The following FER variants were observed in gnomAD, a reference collection of about 807,000 sequenced individuals.
FER encodes FER tyrosine kinase, also known as tyrosine-protein kinase Fer.
FER carries 63 observed loss-of-function variants against 111.0 expected under a neutral mutation model. The ratio of observed to expected loss-of-function variants is 0.57; its 90% CI spans 0.46 to 0.70. The LOEUF is 0.70. Ranked by LOEUF, FER falls within the 30% of genes least tolerant of loss-of-function variation. FER has a pLI of 0.00. For synonymous variants in FER, 327 were observed against 313.9 expected (o/e 1.04, Z -0.44); for missense variants, 914 against 954.0 (o/e 0.96, Z 0.55).
intron 13 of FER, among the ~76,000 whole-genome samples, chr5:109,003,226 A>G (rs1469780991): frequency 2.6e-5 from 4 of 152,320 alleles, no homozygotes; most frequent in African/African-American, 9.6e-5. Flanking sequence ...CCAAATGTCC[A>G]ACAATGATAG....
rs918089409 is a variant in FER at position 109,193,039 on chromosome 5, A to G, written c.*5464A>G. On this transcript the variant is annotated 3_prime_UTR_variant, in exon 20 of 20. Transcript: ENST00000281092. ...ACAATAAATGCAATAACAATAAAGG[A>G]AACTAACCCTCACAAAGGGTTTGAG... 1.3e-5 allele frequency: 2 copies of G among 152,142 alleles called. No individual in the cohort carries two copies. Among genetic ancestry groups the G allele is most frequent in the African/African-American group, 2.4e-5 (1 of 41,426 alleles). The allele number at this position is 152,142 out of a possible 1,614,324, so 9.4% of individuals were successfully genotyped here. A position where few individuals can be genotyped will look rare whatever the true frequency, so the allele number is the denominator to read the frequency against.
At chr5:109,055,822 A>T (rs1773564585) in intron 16 of FER, among the ~76,000 whole-genome samples, 1 of 147,254 alleles carries the variant, frequency 6.8e-6, no homozygotes, top group African/African-American at 2.5e-5. Flanking sequence ...CATACAACTG[A>T]TGTACCAAAA....
intron 12 of FER, 92 bp downstream of exon 12, chr5:108,955,024 T>A: frequency 9.3e-7 from 1 of 1,080,228 alleles, no homozygotes; most frequent in Non-Finnish European, 1.3e-6. Context: ...GATAAATGCC[T>A]GCAACACTTG....
chr5:108,840,452 A>T (rs1228832802), intron 5 of FER, among the ~76,000 whole-genome samples: 3 of 152,024 alleles, frequency 2.0e-5, no homozygotes, highest in Non-Finnish European at 4.4e-5. Context: ...CAAAGTAAAC[A>T]TACCACATTT....
intron 3 of FER, among the ~76,000 whole-genome samples, chr5:108,826,500 G>T (rs1438215584): frequency 2.0e-5 from 3 of 151,940 alleles, no homozygotes; most frequent in Non-Finnish European, 4.4e-5. Flanking sequence ...CGGTCCTCTC[G>T]CCTCAACCTC....
chr5:109,006,087 A>G (rs1197269069), intron 13 of FER, among the ~76,000 whole-genome samples: 2 of 152,224 alleles, frequency 1.3e-5, no homozygotes, highest in Non-Finnish European at 2.9e-5. Context: ...GCTTTTTGTA[A>G]CAACCTGATG....
At chr5:108,854,225 G>A in intron 5 of FER, among the ~76,000 whole-genome samples, 1 of 152,070 alleles carries the variant, frequency 6.6e-6, no homozygotes. Flanking sequence ...ATTTAACATT[G>A]AACTCACAAC....
rs74581098 is a variant in FER, at chr5:109,059,310, T to C, written c.1924+12112T>C. ...AGACTTGGTTAGCTTTTAAGAATTA[T>C]GGGATTTCTCAAGACCATCCTGGCC... On this transcript the variant is annotated intron_variant, in intron 16 of 19. Transcript: ENST00000281092. 5.0e-3 allele frequency among the ~76,000 whole-genome samples: 762 copies of C among 151,274 alleles called. 9 individuals carry two copies. Among genetic ancestry groups the C allele is most frequent in the African/African-American group, 0.017 (717 of 41,154 alleles).
chr5:108,984,382 C>T (rs867260897), intron 13 of FER, among the ~76,000 whole-genome samples: 95 of 152,100 alleles, frequency 6.2e-4, no homozygotes, highest in African/African-American at 2.1e-3. Flanking sequence ...AAATGTCCTA[C>T]GAAATCCCAG....
At chr5:108,902,299 A>G (rs770068821) in intron 10 of FER, among the ~76,000 whole-genome samples, 14 of 152,206 alleles carry the variant, frequency 9.2e-5, no homozygotes, top group Non-Finnish European at 1.6e-4. Context: ...TTTCCTAGCA[A>G]TGTTAGTCAT....
intron 16 of FER, among the ~76,000 whole-genome samples, chr5:109,067,742 C>T (rs1775288433): frequency 6.6e-6 from 1 of 151,966 alleles, no homozygotes; most frequent in South Asian, 2.1e-4. Flanking sequence ...AAATTCTACT[C>T]TCTTGAATAT....
chr5:108,988,613 G>A (rs1264706347), intron 13 of FER, among the ~76,000 whole-genome samples: 7 of 152,056 alleles, frequency 4.6e-5, no homozygotes, highest in East Asian at 3.9e-4. Flanking sequence ...TTGTATTTCC[G>A]TGGTATCAGT....
chr5:109,000,077 C>T (rs77417569), intron 13 of FER, among the ~76,000 whole-genome samples: 17,247 of 151,522 alleles, frequency 0.11, 1,000 homozygotes, highest in Non-Finnish European at 0.13. Context: ...ATGTGTTGGA[C>T]GCTGGCATAG....
chr5:108,885,657 C>G (rs1747014881), intron 9 of FER, among the ~76,000 whole-genome samples: 1 of 151,600 alleles, frequency 6.6e-6, no homozygotes, highest in African/African-American at 2.4e-5. Context: ...GGCACTAATC[C>G]CATTGATAAG....
intron 10 of FER, among the ~76,000 whole-genome samples, chr5:108,907,005 G>A (rs1425660847): frequency 6.6e-6 from 1 of 151,866 alleles, no homozygotes; most frequent in African/African-American, 2.4e-5. Context: ...CATTATCCTG[G>A]GTTTAATTGC....
At chr5:109,047,241 C>A in intron 16 of FER, 43 bp downstream of exon 16, 1 of 1,118,546 alleles carries the variant, frequency 8.9e-7, no homozygotes, top group Non-Finnish European at 1.3e-6. Context: ...ATTTTAATGT[C>A]ATGTTTTATT....
At chr5:109,036,342 CCCTTTGTTGACCTAACAGAGA>C (rs1770401436) in intron 13 of FER, among the ~76,000 whole-genome samples, 1 of 152,004 alleles carries the variant, frequency 6.6e-6, no homozygotes, top group African/African-American at 2.4e-5. Context: ...TCAGTGTTGT[CCCTTTGTTGACCTAACAGAGA>C]GTGTTGGTTG....
intron 17 of FER, among the ~76,000 whole-genome samples, chr5:109,161,286 G>T (rs750906165): frequency 9.2e-5 from 14 of 151,958 alleles, no homozygotes; most frequent in Non-Finnish European, 1.3e-4. Flanking sequence ...AAGTTCAGGG[G>T]TATATGTGCA....
chr5:108,993,679 G>A (rs893330677), intron 13 of FER, among the ~76,000 whole-genome samples: 1 of 150,848 alleles, frequency 6.6e-6, no homozygotes, highest in Non-Finnish European at 1.5e-5. Flanking sequence ...GAGAGGGAGA[G>A]GGCTGTATTT....
Sources: allele counts gnomAD v4.1 joint callset (sites outside exome capture counted in the v4.1 genomes callset), GRCh38; gene constraint gnomAD v4.1.1; transcripts MANE v1.5; gene names NCBI Gene and HGNC (gene_info 2026-07-23, HGNC 2026-07-21).